EPB41: variants seen among roughly 807,000 people sequenced by gnomAD.
EPB41 encodes erythrocyte membrane protein band 4.1, also known as protein 4.1.
A neutral mutation model predicts 108.0 loss-of-function variants in EPB41; 65 were observed. That is an observed-to-expected ratio of 0.60 (90% confidence interval 0.49 to 0.74). The LOEUF is 0.74. Among genes scored for constraint, EPB41 ranks in the 30% least tolerant of loss-of-function variants. EPB41 has a pLI of 0.00. For missense variants in EPB41, 875 were observed against 1,037.0 expected, an observed-to-expected ratio of 0.84 and a Z score of 2.15; for synonymous variants, 336 against 358.9, an observed-to-expected ratio of 0.94 and a Z score of 0.72.
chr1:29,002,294 G>GA (rs1162290318), intron 4 of EPB41, among the ~76,000 whole-genome samples: 1 of 151,770 alleles, frequency 6.6e-6, no homozygotes, highest in Non-Finnish European at 1.5e-5. Flanking sequence ...TACCAAAAAT[G>GA]AAAAAATAGT....
chr1:28,887,786 G>A lies in EPB41; in HGVS notation c.-8+576G>A. On this transcript the variant is annotated intron_variant, in intron 1 of 16. Transcript: ENST00000347529. The surrounding 1 kb of genome is among the most constrained non-coding windows in gnomAD (Gnocchi z 4.9). The stretch of plus-strand genomic sequence containing the variant: ...CGCCAGGGTGGCCCCCCCGGCCGTC[G>A]CGCCAGCCCCACACCCTCCCTGCCA... 1.5e-6 allele frequency: 1 copy of A among 651,480 alleles called. No homozygotes were observed. The allele number at this position is 651,480 out of a possible 1,614,324, so 40.4% of individuals were successfully genotyped here.
At chr1:29,096,119 ATCT>A (rs1484651102) in intron 16 of EPB41, 1 of 981,814 alleles carries the variant, frequency 1.0e-6, no homozygotes, top group Non-Finnish European at 1.2e-6. Flanking sequence ...CTTATACCTA[ATCT>A]TCTTGCTTTT....
intron 1 of EPB41, chr1:28,889,685 G>T: frequency 2.4e-6 from 1 of 417,470 alleles, no homozygotes. Context: ...ATGGAACCTA[G>T]GCTGCAGGGT....
intron 9 of EPB41, 34 bp from the exon 10 acceptor site, chr1:29,035,792 A>C: frequency 6.7e-7 from 1 of 1,496,062 alleles, no homozygotes. Flanking sequence ...CACATGTAAT[A>C]CTTCATGTCC....
rs111291742 is a variant in EPB41 at position 28,950,028 on chromosome 1, T to C, written c.-8+35260T>C. 7.4e-3 allele frequency among the ~76,000 whole-genome samples: 1,129 copies of C among 152,356 alleles called. 9 individuals carry two copies. Among genetic ancestry groups the C allele is most frequent in the African/African-American group, 0.026 (1,062 of 41,574 alleles). On this transcript the variant is annotated intron_variant, in intron 1 of 20. Transcript: ENST00000343067. ...ATTAATTTATCCATTTTCCTGATAA[T>C]AGACATTGCAGTGGTACAGTGAACA...
chr1:28,888,148 C>T (rs1474408817), intron 1 of EPB41, among the ~76,000 whole-genome samples: 1 of 152,230 alleles, frequency 6.6e-6, no homozygotes, highest in African/African-American at 2.4e-5. Context: ...CCCTTAGCTC[C>T]TGGGTCCGGG....
At chr1:29,020,388 T>C (rs938481567) in intron 7 of EPB41, among the ~76,000 whole-genome samples, 3 of 151,964 alleles carry the variant, frequency 2.0e-5, no homozygotes, top group African/African-American at 7.3e-5. Context: ...CATTTACATA[T>C]ATAAAAAATA....
At chr1:29,021,173 C>G (rs1367065339) in intron 7 of EPB41, among the ~76,000 whole-genome samples, 1 of 152,170 alleles carries the variant, frequency 6.6e-6, no homozygotes, top group Non-Finnish European at 1.5e-5. Context: ...CAACGGTTCT[C>G]AAAGGTGGTC....
intron 1 of EPB41, among the ~76,000 whole-genome samples, chr1:28,928,264 G>A (rs2093560929): frequency 6.6e-6 from 1 of 152,008 alleles, no homozygotes; most frequent in East Asian, 1.9e-4. Flanking sequence ...TGCTACTTGG[G>A]AGTGCCTCCA....
At chr1:29,084,609 A>G (rs1325842289) in intron 16 of EPB41, among the ~76,000 whole-genome samples, 1 of 152,248 alleles carries the variant, frequency 6.6e-6, no homozygotes, top group Non-Finnish European at 1.5e-5. Context: ...GGTAATAGCA[A>G]TATAGAAAGA....
chr1:29,063,522 A>G (rs1174220884), intron 15 of EPB41, among the ~76,000 whole-genome samples: 1 of 152,240 alleles, frequency 6.6e-6, no homozygotes, highest in Non-Finnish European at 1.5e-5. Context: ...TTTCCCTTTG[A>G]CATTGCTTTT....
intron 1 of EPB41, among the ~76,000 whole-genome samples, chr1:28,964,948 G>A (rs1181867040): frequency 6.6e-6 from 1 of 152,110 alleles, no homozygotes; most frequent in Non-Finnish European, 1.5e-5. Context: ...CCTTTTCTCT[G>A]ACTCTGCTCT....
chr1:28,949,767 A>G (rs904440333), intron 1 of EPB41, among the ~76,000 whole-genome samples: 5 of 151,500 alleles, frequency 3.3e-5, no homozygotes, highest in Admixed American at 2.0e-4. Flanking sequence ...CCACACCCAG[A>G]TAATTTTTGT....
intron 17 of EPB41, among the ~76,000 whole-genome samples, chr1:29,108,847 G>A (rs1178335898): frequency 8.1e-5 from 12 of 148,338 alleles, no homozygotes; most frequent in South Asian, 4.3e-4. Context: ...ATGAGCCACC[G>A]AGCATGGCCC....
chr1:29,036,636 TG>T (rs1239416244), intron 10 of EPB41, among the ~76,000 whole-genome samples: 2 of 151,930 alleles, frequency 1.3e-5, no homozygotes, highest in Non-Finnish European at 2.9e-5. Flanking sequence ...GACTACTTTT[TG>T]TGGAGCTTTT....
intron 1 of EPB41, among the ~76,000 whole-genome samples, chr1:28,916,198 T>C (rs760816746): frequency 2.0e-5 from 3 of 152,196 alleles, no homozygotes; most frequent in South Asian, 4.1e-4. Context: ...GATTCAAAAA[T>C]AGATGTAATA....
chr1:28,947,385 C>T (rs1293763082), intron 1 of EPB41, among the ~76,000 whole-genome samples: 1 of 150,776 alleles, frequency 6.6e-6, no homozygotes, highest in African/African-American at 2.4e-5. Flanking sequence ...TCCCGTCTGG[C>T]GACGGAGCGA....
intron 1 of EPB41, among the ~76,000 whole-genome samples, chr1:28,955,918 A>G (rs1265797502): frequency 6.6e-6 from 1 of 152,266 alleles, no homozygotes; most frequent in Middle Eastern, 3.2e-3. Flanking sequence ...CTGTTATATA[A>G]TAAACACTAT....
rs1365161863 is a variant in EPB41 at position 29,115,239 on chromosome 1, A to T, written c.2497-460A>T. Among the ~76,000 whole-genome samples the T allele has an allele frequency of 6.6e-6, 1 of 152,138 alleles. No homozygotes were observed. Among genetic ancestry groups the T allele is most frequent in the Non-Finnish European group, 1.5e-5 (1 of 68,014 alleles). On this transcript the variant is annotated intron_variant, in intron 19 of 20. Coordinates refer to ENST00000343067, the MANE Select transcript of EPB41 (RefSeq NM_001376013.1). The surrounding 1 kb of genome is among the most constrained non-coding windows in gnomAD (Gnocchi z 4.4). ...GAAACCCCATCTCTACAAAAAATAC[A>T]AAAATTAGCTGGGCGTAGTGGTACA...
Sources: gnomAD v4.1 joint callset for allele counts (sites outside exome capture counted in the v4.1 genomes callset) on GRCh38, gnomAD v4.1.1 for gene constraint, Gnocchi (gnomAD v3.1) non-coding constraint, MANE v1.5 for transcripts, NCBI Gene and HGNC (gene_info 2026-07-23, HGNC 2026-07-21) for gene names.